GON4L: variants seen among roughly 807,000 people sequenced by gnomAD.
The protein encoded by GON4L is GON-4-like protein.
In GON4L, 87 loss-of-function variants were observed where a neutral mutation model predicts 211.8. That is an observed-to-expected ratio of 0.41 (90% CI 0.35 to 0.49). GON4L has a LOEUF of 0.49. GON4L is among the 20% of genes least tolerant of loss of function. GON4L has a pLI of 0.15. For missense variants in GON4L, 2,155 were observed against 2,659.5 expected, an observed-to-expected ratio of 0.81 and a Z score of 4.17; for synonymous variants, 875 against 962.6, an observed-to-expected ratio of 0.91 and a Z score of 1.68.
At chr1:155,845,486 G>A in intron 2 of GON4L, 1 of 348,688 alleles carries the variant, frequency 2.9e-6, no homozygotes, top group Non-Finnish European at 5.8e-6. Flanking sequence ...CATTCTTCAT[G>A]TGCTTTTGCG....
At chr1:155,833,740 G>GAGGAGAGA (rs1432186033) in intron 2 of GON4L, among the ~76,000 whole-genome samples, 1 of 120,160 alleles carries the variant, frequency 8.3e-6, no homozygotes. Flanking sequence ...GAGGAGAGGG[G>GAGGAGAGA]AGGAGAGGAG....
At chr1:155,817,289 T>G (rs530866396) in intron 6 of GON4L, among the ~76,000 whole-genome samples, 2 of 152,204 alleles carry the variant, frequency 1.3e-5, no homozygotes, top group Non-Finnish European at 2.9e-5. Context: ...CCACCACATC[T>G]AGCCTAAAGA....
chr1:155,788,039 T>A (rs1265949752), intron 12 of GON4L, among the ~76,000 whole-genome samples: 1 of 152,202 alleles, frequency 6.6e-6, no homozygotes, highest in Non-Finnish European at 1.5e-5. Context: ...TTGCCCAGGC[T>A]GGAGCGCGGT....
chr1:155,814,663 T>C (rs1668083147), intron 8 of GON4L, among the ~76,000 whole-genome samples: 1 of 150,406 alleles, frequency 6.6e-6, no homozygotes, highest in Admixed American at 6.6e-5. Context: ...GGAGTATCAC[T>C]TGAATCCAGG....
chr1:155,811,790 C>T (rs992045907), intron 10 of GON4L, among the ~76,000 whole-genome samples: 6 of 123,222 alleles, frequency 4.9e-5, no homozygotes, highest in South Asian at 2.8e-4. Context: ...GAAGGCTGGG[C>T]GCGGTGGCTG....
chr1:155,785,044 G>A, intron 13 of GON4L: 1 of 448,906 alleles, frequency 2.2e-6, no homozygotes, highest in Non-Finnish European at 4.2e-6. Flanking sequence ...AGGCTGCTGT[G>A]AGCTGTAATT....
intron 2 of GON4L, among the ~76,000 whole-genome samples, chr1:155,838,067 T>C (rs1670469399): frequency 1.3e-5 from 2 of 151,736 alleles, no homozygotes; most frequent in South Asian, 4.2e-4. Flanking sequence ...AGGACCAGCC[T>C]GGGCAACATA....
chr1:155,798,566 C>T (rs1408621566), intron 11 of GON4L, among the ~76,000 whole-genome samples: 3 of 138,042 alleles, frequency 2.2e-5, no homozygotes, highest in Non-Finnish European at 4.6e-5. Context: ...CCCGCCACCA[C>T]GTCAGGCTAA....
At chr1:155,787,294 G>A (rs1296046886) in intron 12 of GON4L, among the ~76,000 whole-genome samples, 1 of 152,076 alleles carries the variant, frequency 6.6e-6, no homozygotes, top group African/African-American at 2.4e-5. Flanking sequence ...AGTTTTGGTT[G>A]TTACAAGAAT....
chr1:155,753,259 C>G lies in GON4L; in HGVS notation c.5787G>C (p.Glu1929Asp). The change falls in exon 29 of 32, where the codon GAG becomes GAC. Residue 1929 changes from glutamate (E) to aspartate (D), a missense_variant. This residue lies in a region of GON4L where 455 missense variants were observed against 504.6 expected (regional missense o/e 0.90). Transcript: ENST00000368331. ...TCCTGACAGTCCTGCTCTGGGTGGCCTCAGTGCTCTCCCGCTCCTCTGGGG... is the reference window on the plus strand; with the variant it reads ...TCCTGACAGTCCTGCTCTGGGTGGCGTCAGTGCTCTCCCGCTCCTCTGGGG... ...EEAPEEREST[E>D]ATQSRTVRTT... The G allele has an allele frequency of 6.2e-7, 1 of 1,610,860 alleles. No homozygotes were observed. Among genetic ancestry groups the G allele is most frequent in the Non-Finnish European group, 8.5e-7 (1 of 1,178,746 alleles).
At chr1:155,768,082 T>C (rs1358785350) in intron 19 of GON4L, among the ~76,000 whole-genome samples, 2 of 151,942 alleles carry the variant, frequency 1.3e-5, no homozygotes, top group Admixed American at 6.6e-5. Context: ...GTGGGCAGAT[T>C]ACCTAAGGTC....
At position 155,766,714 on chromosome 1, in the gene GON4L, T is replaced by C. The variant is rs879113258; in HGVS notation, c.2764-5A>G. Reference sequence around the variant, plus strand: ...CTGGATGGATGGCAGACTGGCCTATTGGAAACAAGAACACTCTGATCCAGC... The same window carrying C: ...CTGGATGGATGGCAGACTGGCCTATCGGAAACAAGAACACTCTGATCCAGC... On this transcript the variant is annotated splice_region_variant and splice_polypyrimidine_tract_variant and intron_variant, in intron 20 of 31. Transcript: ENST00000368331. The C allele has an allele frequency of 3.7e-6, 6 of 1,614,104 alleles. No individual in the cohort carries two copies. The South Asian group carries it at 4.4e-5, about 12-fold the overall frequency.
chr1:155,821,965 C>T (rs912219984), intron 4 of GON4L, among the ~76,000 whole-genome samples: 2 of 152,158 alleles, frequency 1.3e-5, no homozygotes, highest in African/African-American at 4.8e-5. Flanking sequence ...GACATATCGA[C>T]CCACAAGAGT....
rs776077265 is a variant in GON4L, at chr1:155,820,664, GA to G, written c.964-9del. 4.4e-6 allele frequency: 7 copies of G among 1,591,786 alleles called. No homozygotes were observed. Among genetic ancestry groups the G allele is most frequent in the Non-Finnish European group, 5.2e-6 (6 of 1,160,094 alleles). ...GCGTGTCATTTTAGGCTCCTAAGGA[GA>G]AAAAAACAGAAAGGAAATCCTCAAT... On this transcript the variant is annotated splice_polypyrimidine_tract_variant and intron_variant, in intron 5 of 31. Transcript: ENST00000368331.
chr1:155,775,696 T>C (rs1663736208), intron 16 of GON4L, among the ~76,000 whole-genome samples: 1 of 152,146 alleles, frequency 6.6e-6, no homozygotes, highest in African/African-American at 2.4e-5. Flanking sequence ...TGACCTCAAG[T>C]GATCCAGCCA....
At chr1:155,748,380 C>T (rs890604815), downstream of GON4L, 20 of 1,601,216 alleles carry the variant, frequency 1.2e-5, no homozygotes, top group Non-Finnish European at 1.7e-5. Flanking sequence ...CCAAGTGCCC[C>T]TCTTGGTGTC....
chr1:155,779,198 G>A (rs1373475779), intron 14 of GON4L, among the ~76,000 whole-genome samples: 2 of 142,098 alleles, frequency 1.4e-5, no homozygotes, highest in African/African-American at 5.3e-5. Context: ...AGCTTGCAGT[G>A]AGCCGAGATC....
intron 10 of GON4L, among the ~76,000 whole-genome samples, chr1:155,809,515 A>C (rs866144434): frequency 2.7e-5 from 4 of 146,470 alleles, no homozygotes; most frequent in Admixed American, 2.2e-4. Context: ...TTCTATTTTT[A>C]ATTATATACT....
intron 22 of GON4L, 47 bp downstream of exon 22, chr1:155,763,265 T>C (rs1427878181): frequency 1.3e-6 from 2 of 1,581,042 alleles, no homozygotes; most frequent in Non-Finnish European, 1.7e-6. Context: ...CTCTAGACAA[T>C]GAGGTTAAGT....
Sources: allele counts gnomAD v4.1 joint callset (sites outside exome capture counted in the v4.1 genomes callset), GRCh38; gene constraint gnomAD v4.1.1; regional missense constraint gnomAD v4.1.1; transcripts MANE v1.5; gene names NCBI Gene and HGNC (gene_info 2026-07-23, HGNC 2026-07-21).